Variants in TENM1 observed in about 807,000 individuals in gnomAD.
TENM1 encodes the protein teneurin-1.
Under a neutral mutation model 174.8 loss-of-function variants are expected in TENM1, and 35 were observed. The ratio of observed to expected loss-of-function variants is 0.20; its 90% CI spans 0.15 to 0.27. TENM1 has a LOEUF of 0.27. TENM1 is among the 10% of genes least tolerant of loss of function. TENM1 has a pLI of 1.00. For missense variants in TENM1, 1,633 were observed against 2,130.1 expected, an observed-to-expected ratio of 0.77 and a Z score of 4.59; for synonymous variants, 781 against 798.7, an observed-to-expected ratio of 0.98 and a Z score of 0.37.
At chrX:124,664,532 G>GAAAAAAAAAAAAAAAAAAA (rs779501054) in intron 6 of TENM1, among the ~76,000 whole-genome samples, 1 of 29,275 alleles carries the variant, frequency 3.4e-5, no homozygotes, top group African/African-American at 1.2e-4. Context: ...TAAAGCAAAA[G>GAAAAAAAAAAAAAAAAAAA]AAAAAAAAAA....
At chrX:125,158,401 CAAAAAAA>C in the TENM1 span, among the ~76,000 whole-genome samples, 9 of 36,527 alleles carry the variant, frequency 2.5e-4, no homozygotes, top group Non-Finnish European at 2.8e-4. Context: ...GAATCCATCT[CAAAAAAA>C]AAAAAAAAAA....
At chrX:124,509,791 GCTCATTGTAGCCTCCAC>G (rs1428603557) in intron 18 of TENM1, among the ~76,000 whole-genome samples, 1 of 104,236 alleles carries the variant, frequency 9.6e-6, no homozygotes, top group Non-Finnish European at 1.9e-5. Context: ...TGTGATCACG[GCTCATTGTAGCCTCCAC>G]CTCCCAGGTT....
At chrX:125,103,028 T>TA in the TENM1 span, among the ~76,000 whole-genome samples, 7 of 112,317 alleles carry the variant, frequency 6.2e-5, no homozygotes, top group Non-Finnish European at 1.3e-4. Context: ...CATTCAAATC[T>TA]AAAATTACTT....
chrX:124,468,944 A>T (rs2061269643), intron 22 of TENM1, among the ~76,000 whole-genome samples: 1 of 88,808 alleles, frequency 1.1e-5, no homozygotes, highest in South Asian at 5.7e-4. Context: ...CCATCATTTG[A>T]CCAACCCCCT....
chrX:125,160,944 A>C, the TENM1 span, among the ~76,000 whole-genome samples: 2 of 107,620 alleles, frequency 1.9e-5, no homozygotes, highest in East Asian at 2.9e-4. Context: ...CTAGGTATAT[A>C]CCCCAAAAAA....
chrX:125,168,651 T>C, the TENM1 span, among the ~76,000 whole-genome samples: 2 of 110,887 alleles, frequency 1.8e-5, no homozygotes, highest in African/African-American at 6.5e-5. Flanking sequence ...TTAAAGTCAC[T>C]CCCAAAATTA....
chrX:124,995,237 CT>C, the TENM1 span, among the ~76,000 whole-genome samples: 1 of 110,712 alleles, frequency 9.0e-6, no homozygotes, highest in Admixed American at 9.7e-5. Context: ...TGTATCTTCC[CT>C]TCCATGTACG....
At chrX:124,422,301 T>C (rs766284044) in exon 24 of TENM1, 2 of 1,211,103 alleles carry the variant, frequency 1.7e-6, no homozygotes, top group Non-Finnish European at 2.2e-6. Flanking sequence ...TGGATCAATT[T>C]TGCAGTCACA....
At chrX:125,088,644 G>C in the TENM1 span, among the ~76,000 whole-genome samples, 2 of 110,146 alleles carry the variant, frequency 1.8e-5, no homozygotes, top group Admixed American at 1.9e-4. Flanking sequence ...GTGAAGAAAG[G>C]GGGGGAAATT....
At chrX:124,895,949 G>A (rs1189758994) in intron 2 of TENM1, 32 bp downstream of exon 5, 2 of 1,201,000 alleles carry the variant, frequency 1.7e-6, no homozygotes, top group Non-Finnish European at 1.1e-6. Context: ...TTCTTTCTGT[G>A]TTTTACTTAA....
At chrX:124,497,199 A>C in exon 20 of TENM1, 1 of 1,208,645 alleles carries the variant, frequency 8.3e-7, no homozygotes, top group Non-Finnish European at 1.1e-6. Context: ...ATTACCCATT[A>C]TGGTTGATAT....
intron 3 of TENM1, among the ~76,000 whole-genome samples, chrX:124,768,919 T>C (rs6655727): frequency 0.055 from 6,200 of 112,105 alleles, 261 homozygotes; most frequent in African/African-American, 0.14. Flanking sequence ...GGCTTTCCTG[T>C]GTTTTATTTA....
At chrX:124,382,644 A>C (rs1190115555) in intron 31 of TENM1, 26 bp downstream of exon 34, 16 of 1,193,961 alleles carry the variant, frequency 1.3e-5, no homozygotes, top group Non-Finnish European at 1.8e-5. Flanking sequence ...TTTCAGCTAA[A>C]AGGAGGTGAT....
intron 11 of TENM1, among the ~76,000 whole-genome samples, chrX:124,575,253 T>C (rs951780385): frequency 8.9e-6 from 1 of 111,971 alleles, no homozygotes; most frequent in Non-Finnish European, 1.9e-5. Context: ...TTTCTATGCT[T>C]GAAGTATAAT....
intron 4 of TENM1, among the ~76,000 whole-genome samples, chrX:124,730,166 G>A (rs2053533911): frequency 9.0e-6 from 1 of 111,161 alleles, no homozygotes; most frequent in African/African-American, 3.3e-5. Context: ...CACCGGGCCA[G>A]GCCAAGTGTA....
At chrX:124,719,983 C>G (rs2053273491) in intron 4 of TENM1, among the ~76,000 whole-genome samples, 2 of 111,693 alleles carry the variant, frequency 1.8e-5, no homozygotes, top group Non-Finnish European at 3.8e-5. Context: ...CTGAGAATGA[C>G]AACATGAAGG....
chrX:124,955,786 C>T (rs2058562033), intron 1 of TENM1, among the ~76,000 whole-genome samples: 2 of 94,533 alleles, frequency 2.1e-5, no homozygotes, highest in South Asian at 8.6e-4. Context: ...ACAGATACAA[C>T]ACACGCGCAC....
In TENM1 at chrX:124,667,552, T is replaced by C. The variant is rs113632792; in HGVS notation, c.1168+4131A>G. The stretch of plus-strand genomic sequence containing the variant: ...TTGCAGTGAGCCGAGATTGCACCAC[T>C]GTACTCCAACCTGGGCGACAGAGTG... On this transcript the variant is annotated intron_variant, in intron 6 of 31. Transcript: ENST00000422452. 8.7e-3 allele frequency among the ~76,000 whole-genome samples: 912 copies of C among 105,122 alleles called. 9 individuals carry two copies. The highest frequency in any genetic ancestry group is 0.031 in the African/African-American group (886 of 28,425). 91.3% of individuals were successfully genotyped at this position (105,122 alleles called of 115,157 possible).
chrX:124,801,895 A>G (rs2055462294), intron 3 of TENM1, among the ~76,000 whole-genome samples: 1 of 111,537 alleles, frequency 9.0e-6, no homozygotes, highest in African/African-American at 3.3e-5. Flanking sequence ...CTTTTCTTTA[A>G]GAATGCTGCA....
Sources: gnomAD v4.1 joint callset for allele counts (sites outside exome capture counted in the v4.1 genomes callset) on GRCh38, gnomAD v4.1.1 for gene constraint, MANE v1.5 for transcripts, NCBI Gene and HGNC (gene_info 2026-07-23, HGNC 2026-07-21) for gene names.